Variants in CDK13 observed in about 807,000 individuals in gnomAD.
CDK13 encodes the protein cyclin dependent kinase 13.
Under a neutral mutation model 137.6 loss-of-function variants are expected in CDK13, and 40 were observed. The observed-to-expected ratio is 0.29, with a 90% CI of 0.23 to 0.38. The LOEUF (loss-of-function observed/expected upper bound fraction) is 0.38. CDK13 is among the 10% of genes least tolerant of loss of function. CDK13 has a pLI of 1.00. For missense variants in CDK13, 1,704 were observed against 1,951.8 expected, an observed-to-expected ratio of 0.87 and a Z score of 2.39; for synonymous variants, 869 against 760.1, an observed-to-expected ratio of 1.14 and a Z score of -2.36.
At chr7:40,002,683 C>G (rs1212559434) in intron 5 of CDK13, among the ~76,000 whole-genome samples, 2 of 151,886 alleles carry the variant, frequency 1.3e-5, no homozygotes, top group African/African-American at 4.8e-5. Context: ...TTATATAAAT[C>G]TTACATTTAA....
At position 39,950,425 on chromosome 7, in the gene CDK13, T is replaced by A. The variant is rs1787107099; in HGVS notation, c.-217T>A. 2 of 1,231,632 alleles carry A rather than the reference T, an allele frequency of 1.6e-6. No individual in the cohort carries two copies. Among genetic ancestry groups the A allele is most frequent in the Non-Finnish European group, 2.0e-6 (2 of 987,888 alleles). The allele number at this position is 1,231,632 out of a possible 1,614,324, so 76.3% of individuals were successfully genotyped here. A position where few individuals can be genotyped will look rare whatever the true frequency, so the allele number is the denominator to read the frequency against. ...CAATCGGGAGCTCCGCCGCCCGGAT[T>A]CCTGCTTCCCTGGGGCCCGGAGGCT... is the stretch of plus-strand genomic sequence containing the variant. On this transcript the variant is annotated 5_prime_UTR_variant, in exon 1 of 14. Transcript: ENST00000181839.
At chr7:40,000,059 C>T (rs886578248) in intron 4 of CDK13, among the ~76,000 whole-genome samples, 2 of 152,128 alleles carry the variant, frequency 1.3e-5, no homozygotes, top group African/African-American at 2.4e-5. Context: ...TTTTATCTTT[C>T]TTTACTCATA....
chr7:39,970,951 A>G (rs969465641), intron 1 of CDK13, among the ~76,000 whole-genome samples: 1 of 152,120 alleles, frequency 6.6e-6, no homozygotes, highest in Admixed American at 6.5e-5. Flanking sequence ...AACATTTTTT[A>G]TTATGTAGGT....
intron 1 of CDK13, among the ~76,000 whole-genome samples, chr7:39,987,384 A>G (rs946464359): frequency 2.6e-5 from 4 of 152,228 alleles, no homozygotes; most frequent in African/African-American, 9.6e-5. Context: ...TTTGTAGACC[A>G]GAGCGAGATC....
intron 1 of CDK13, among the ~76,000 whole-genome samples, chr7:39,953,607 T>A (rs1419274995): frequency 6.6e-6 from 1 of 152,210 alleles, no homozygotes; most frequent in African/African-American, 2.4e-5. Flanking sequence ...CCCTGTATTG[T>A]ATGCCATATA....
intron 12 of CDK13, 141 bp downstream of exon 12, chr7:40,088,472 G>C: frequency 1.5e-6 from 1 of 688,418 alleles, no homozygotes; most frequent in Non-Finnish European, 2.4e-6. Flanking sequence ...CTTTGTGCCA[G>C]TACAGAAGTT....
In CDK13 at chr7:40,092,836, T is replaced by C; in HGVS notation, c.3287T>C (p.Leu1096Pro). 1 of 1,614,184 alleles carries C rather than the reference T, an allele frequency of 6.2e-7. No homozygotes were observed. The highest frequency in any genetic ancestry group is 8.5e-7 in the Non-Finnish European group (1 of 1,180,034). ...AACCACAGTGAATTGGCAATTCTACTAAACCTACTACAATCTAAAACAAGT... is the reference window on the plus strand; with the variant it reads ...AACCACAGTGAATTGGCAATTCTACCAAACCTACTACAATCTAAAACAAGT... ...HLNHSELAIL[L>P]NLLQSKTSVN... Residue 1096 changes from leucine (L) to proline (P), a missense_variant, in exon 13 of 14, where the codon CTA becomes CCA. Leu to Pro is a moderately conservative substitution (Grantham distance 98, BLOSUM62 -3). This residue lies in a region of CDK13 where 475 missense variants were observed against 579.3 expected (regional missense o/e 0.82). Coordinates refer to ENST00000181839, the MANE Select transcript of CDK13 (RefSeq NM_003718.5).
At chr7:39,981,850 G>A (rs1231427015) in intron 1 of CDK13, among the ~76,000 whole-genome samples, 2 of 149,466 alleles carry the variant, frequency 1.3e-5, no homozygotes, top group South Asian at 2.1e-4. Flanking sequence ...GGAGTGCAGC[G>A]GCACAATCTC....
intron 7 of CDK13, chr7:40,059,402 C>T (rs1320410790): frequency 3.9e-5 from 6 of 152,342 alleles, no homozygotes; most frequent in African/African-American, 9.7e-5. Flanking sequence ...CTCTGTCACC[C>T]GGGCTGGAGT....
intron 1 of CDK13, among the ~76,000 whole-genome samples, chr7:39,968,298 CT>C (rs1783916659): frequency 6.6e-6 from 1 of 152,136 alleles, no homozygotes; most frequent in South Asian, 2.1e-4. Context: ...ACCACGAAAC[CT>C]TTGCCCAAAC....
chr7:39,992,070 TACACACAC>T (rs148046155), intron 2 of CDK13, among the ~76,000 whole-genome samples: 37,036 of 146,776 alleles, frequency 0.25, 5,689 homozygotes, highest in Middle Eastern at 0.42. Flanking sequence ...GAAAAAATTA[TACACACAC>T]ACACACACAC....
chr7:39,989,852 G>A (rs372065190), intron 2 of CDK13, among the ~76,000 whole-genome samples: 214 of 149,776 alleles, frequency 1.4e-3, no homozygotes, highest in African/African-American at 5.0e-3. Flanking sequence ...GCGCTCTCTC[G>A]GCTCACTGCA....
At chr7:40,044,902 C>G (rs1785702321) in intron 5 of CDK13, among the ~76,000 whole-genome samples, 1 of 152,168 alleles carries the variant, frequency 6.6e-6, no homozygotes, top group Admixed American at 6.6e-5. Flanking sequence ...TCCCAAAGCC[C>G]TGGGATTACA....
At position 40,089,085 on chromosome 7, in the gene CDK13, A is replaced by ATGTG. The variant is rs140567334; in HGVS notation, c.3235+769_3235+772dup. Among the ~76,000 whole-genome samples the ATGTG allele has an allele frequency of 3.1e-4, 46 of 148,574 alleles. No individual in the cohort carries two copies. In the East Asian group the frequency reaches 3.4e-3, roughly 11 times the overall value. On this transcript the variant is annotated intron_variant, in intron 12 of 13. Transcript: ENST00000181839. ...CAGGAGCGAGACTCCATCTCAAAAT[A>ATGTG]TGTGTGTGTGTGTGTGTGAGTGAAT...
At chr7:40,083,581 T>C (rs1786718591) in intron 11 of CDK13, among the ~76,000 whole-genome samples, 1 of 152,238 alleles carries the variant, frequency 6.6e-6, no homozygotes, top group Non-Finnish European at 1.5e-5. Flanking sequence ...CTTGGAACTA[T>C]AGGTTTATCC....
At chr7:40,078,181 A>G in intron 10 of CDK13, 60 bp downstream of exon 10, 1 of 820,500 alleles carries the variant, frequency 1.2e-6, no homozygotes, top group Non-Finnish European at 2.0e-6. Flanking sequence ...ATTCTAGTGA[A>G]TTATAAATGT....
At position 40,008,360 on chromosome 7, in the gene CDK13, G is replaced by A. The variant is rs1346217083; in HGVS notation, c.2353+6329G>A. 3.9e-5 allele frequency among the ~76,000 whole-genome samples: 6 copies of A among 152,170 alleles called. No homozygotes were observed. The East Asian group carries it at 9.6e-4, about 24-fold the overall frequency. ...GTTACAGAACATTTTCATCATCTTA[G>A]CATTGAATAATGTCCATCTAAATAC... On this transcript the variant is annotated intron_variant, in intron 5 of 13. Coordinates refer to ENST00000181839, the MANE Select transcript of CDK13 (RefSeq NM_003718.5).
Position 39,988,128 on chromosome 7 carries a change from A to G in CDK13, c.1741A>G (p.Lys581Glu). ...AATKEESVSLKEKTKPLTPSI... is the reference protein window; with the variant it reads ...AATKEESVSLEEKTKPLTPSI... ...TACAAAGGAGGAATCAGTATCTCTT[A>G]AAGAGAAAACCAAACCACTTACACC... Residue 581 changes from lysine (K) to glutamate (E), a missense_variant, in exon 2 of 14, where the codon AAA becomes GAA. By Grantham distance (56) the Lys-to-Glu change is moderately conservative. Transcript: ENST00000181839. 6.2e-7 allele frequency: 1 copy of G among 1,614,158 alleles called. No individual in the cohort carries two copies. The highest frequency in any genetic ancestry group is 8.5e-7 in the Non-Finnish European group (1 of 1,180,020).
At chr7:40,064,999 G>A (rs1158175222) in intron 9 of CDK13, among the ~76,000 whole-genome samples, 3 of 99,328 alleles carry the variant, frequency 3.0e-5, no homozygotes, top group African/African-American at 3.9e-5. Context: ...TTTGGAGACC[G>A]GCTTTCTCTA....
Sources: gnomAD v4.1 joint callset for allele counts (sites outside exome capture counted in the v4.1 genomes callset) on GRCh38, gnomAD v4.1.1 for gene constraint, gnomAD v4.1.1 regional missense constraint, MANE v1.5 for transcripts, NCBI Gene and HGNC (gene_info 2026-07-23, HGNC 2026-07-21) for gene names.